The following SLC25A42 variants were observed in gnomAD, a reference collection of about 807,000 sequenced individuals.
SLC25A42 encodes mitochondrial coenzyme A transporter SLC25A42.
A neutral mutation model predicts 34.7 loss-of-function variants in SLC25A42; 19 were observed. The observed-to-expected ratio is 0.55, with a 90% CI of 0.38 to 0.80. SLC25A42 has a LOEUF of 0.80. SLC25A42 is among the 30% of genes least tolerant of loss of function. SLC25A42 has a pLI of 0.00. For synonymous variants in SLC25A42, 205 were observed against 191.2 expected (o/e 1.07, Z -0.59); for missense variants, 364 against 441.3 (o/e 0.82, Z 1.57).
At chr19:19,080,769 A>C (rs2059677453) in intron 1 of SLC25A42, among the ~76,000 whole-genome samples, 1 of 151,868 alleles carries the variant, frequency 6.6e-6, no homozygotes, top group Non-Finnish European at 1.5e-5. Context: ...AAAACACAAA[A>C]ATTAGCTGGG....
Position 19,110,919 on chromosome 19 carries a change from T to G in SLC25A42, c.*43T>G. The G allele has an allele frequency of 6.2e-7, 1 of 1,604,846 alleles. No homozygotes were observed. Among genetic ancestry groups the G allele is most frequent in the Non-Finnish European group, 8.5e-7 (1 of 1,173,982 alleles). ...TCAGGACGGTGGACCGGTGACCCCT[T>G]TGTATTCTGGGCCCATGGAACGGTG... On this transcript the variant is annotated 3_prime_UTR_variant, in exon 8 of 8. Transcript: ENST00000318596.
In SLC25A42 at chr19:19,101,771, T is replaced by C; in HGVS notation, c.82-10T>C. 1 of 1,608,652 alleles carries C rather than the reference T, an allele frequency of 6.2e-7. No individual in the cohort carries two copies. The highest frequency in any genetic ancestry group is 8.5e-7 in the Non-Finnish European group (1 of 1,177,694). ...TGCCCTCTGACCTCTGATCACATGT[T>C]CTGTTGCAGCGTGACCACAGGCAAG... On this transcript the variant is annotated splice_polypyrimidine_tract_variant and intron_variant, in intron 2 of 7. Transcript: ENST00000318596.
At position 19,110,709 on chromosome 19, in the gene SLC25A42, C is replaced by T; in HGVS notation, c.790C>T (p.Arg264Cys). 1 of 1,598,172 alleles carries T rather than the reference C, an allele frequency of 6.3e-7. No individual in the cohort carries two copies. ...GACGGCCGGCGTCACGGGCTACCCGCGCGCCTCCATCGCCCGCACGCTGCG... is the reference window on the plus strand; with the variant it reads ...GACGGCCGGCGTCACGGGCTACCCGTGCGCCTCCATCGCCCGCACGCTGCG... The part of the protein sequence containing the change: ...MQTAGVTGYP[R>C]ASIARTLRTI... The change falls in exon 8 of 8, where the codon CGC (arginine) becomes TGC (cysteine). Residue 264 changes from arginine (R) to cysteine (C), a missense_variant. By Grantham distance (180) the Arg-to-Cys change is radical. Transcript: ENST00000318596.
Position 19,106,381 on chromosome 19 carries a change from G to A in SLC25A42, c.493G>A (p.Glu165Lys). ...AGCGCGGATGGCCGTAACCCCGAAG[G>A]AAATGTGAGTCCTTACATCGGTGAT... ...VRARMAVTPK[E>K]MYSNIFHVFI... The change falls in exon 6 of 8, where the codon GAA (glutamate) becomes AAA (lysine). Residue 165 changes from glutamate to lysine, a missense_variant. Glu to Lys is a moderately conservative substitution (Grantham distance 56, BLOSUM62 1). Transcript: ENST00000318596. 4 of 1,610,764 alleles carry A rather than the reference G, an allele frequency of 2.5e-6. No individual in the cohort carries two copies. Among genetic ancestry groups the A allele is most frequent in the Non-Finnish European group, 3.4e-6 (4 of 1,177,838 alleles).
intron 1 of SLC25A42, 49 bp downstream of exon 1, chr19:19,064,164 C>CG (rs2059588658): frequency 6.6e-6 from 1 of 152,480 alleles, no homozygotes; most frequent in African/African-American, 2.4e-5. Context: ...GCGGATGAGG[C>CG]GGGGCATGAC....
At chr19:19,079,190 G>A (rs1296479387) in intron 1 of SLC25A42, among the ~76,000 whole-genome samples, 5 of 151,884 alleles carry the variant, frequency 3.3e-5, no homozygotes, top group Non-Finnish European at 5.9e-5. Context: ...TGAGTAGCTG[G>A]GATTACAGGT....
intron 1 of SLC25A42, among the ~76,000 whole-genome samples, chr19:19,085,044 G>A (rs2059700248): frequency 6.6e-6 from 1 of 152,132 alleles, no homozygotes; most frequent in Admixed American, 6.6e-5. Context: ...CCATGGAGAA[G>A]GACCCGGTTG....
chr19:19,065,422 G>A (rs1292486269), intron 1 of SLC25A42, among the ~76,000 whole-genome samples: 1 of 152,210 alleles, frequency 6.6e-6, no homozygotes, highest in Non-Finnish European at 1.5e-5. Context: ...AGCCTGGGTG[G>A]TGCTAGGAAT....
chr19:19,092,693 TG>T (rs2059744236), intron 1 of SLC25A42, among the ~76,000 whole-genome samples: 1 of 152,132 alleles, frequency 6.6e-6, no homozygotes, highest in Admixed American at 6.5e-5. Context: ...CACCCACTGT[TG>T]GGGTATAGCA....
At chr19:19,071,565 G>A (rs1210956233) in intron 1 of SLC25A42, among the ~76,000 whole-genome samples, 1 of 152,144 alleles carries the variant, frequency 6.6e-6, no homozygotes, top group African/African-American at 2.4e-5. Flanking sequence ...AGAGCCAAGG[G>A]CTAGCAGAAA....
intron 1 of SLC25A42, among the ~76,000 whole-genome samples, chr19:19,086,870 CT>C (rs1210229180): frequency 1.3e-5 from 2 of 152,036 alleles, no homozygotes; most frequent in East Asian, 3.9e-4. Context: ...ATGTGATGTT[CT>C]GATATATTTA....
Position 19,110,807 on chromosome 19 carries a change from C to T in SLC25A42, c.888C>T (p.Pro296=), listed in dbSNP as rs1345930312. ...TGAGCATGAACTGGGTCAAGGGTCC[C>T]ATCGCCGTGGGCATCAGCTTCACCA... ...KGLSMNWVKG[P]IAVGISFTTF... The change falls in exon 8 of 8, where the codon CCC becomes CCT. Residue 296 remains proline (P), a synonymous_variant. Transcript: ENST00000318596. 1 of 1,613,930 alleles carries T rather than the reference C, an allele frequency of 6.2e-7. No individual in the cohort carries two copies. Among genetic ancestry groups the T allele is most frequent in the East Asian group, 2.2e-5 (1 of 44,872 alleles).
chr19:19,100,702 T>A (rs2059791816), intron 2 of SLC25A42, among the ~76,000 whole-genome samples: 1 of 152,148 alleles, frequency 6.6e-6, no homozygotes, highest in Non-Finnish European at 1.5e-5. Context: ...CATCTGATGC[T>A]TCTGTTGGCA....
chr19:19,076,559 T>C (rs1014637535), intron 1 of SLC25A42, among the ~76,000 whole-genome samples: 1 of 152,180 alleles, frequency 6.6e-6, no homozygotes, highest in African/African-American at 2.4e-5. Flanking sequence ...AGGCCATCCA[T>C]TCAAGTCCCC....
intron 1 of SLC25A42, among the ~76,000 whole-genome samples, chr19:19,085,827 G>A (rs1036956826): frequency 3.3e-5 from 5 of 150,826 alleles, no homozygotes; most frequent in African/African-American, 9.7e-5. Context: ...AGGAGAGGAG[G>A]CAAGAGGAGA....
At chr19:19,099,094 G>T (rs963390764) in intron 2 of SLC25A42, among the ~76,000 whole-genome samples, 3 of 152,152 alleles carry the variant, frequency 2.0e-5, no homozygotes, top group African/African-American at 7.2e-5. Flanking sequence ...GAAGAAACTG[G>T]CCTGAAGCTG....
At chr19:19,078,322 G>A (rs1007909916) in intron 1 of SLC25A42, among the ~76,000 whole-genome samples, 7 of 152,156 alleles carry the variant, frequency 4.6e-5, no homozygotes, top group African/African-American at 1.4e-4. Context: ...ATGAAGGTGC[G>A]TATGCCTGAC....
chr19:19,077,922 G>GC (rs1030797552), intron 1 of SLC25A42, among the ~76,000 whole-genome samples: 22 of 152,308 alleles, frequency 1.4e-4, no homozygotes, highest in African/African-American at 5.1e-4. Flanking sequence ...AACCTTTTGT[G>GC]CCTGGCTTCT....
intron 1 of SLC25A42, among the ~76,000 whole-genome samples, chr19:19,066,104 G>A (rs952524916): frequency 3.3e-5 from 5 of 152,200 alleles, no homozygotes; most frequent in South Asian, 4.2e-4. Flanking sequence ...TGATCTGCTC[G>A]CCTCAGCCTC....
Sources: allele counts gnomAD v4.1 joint callset (sites outside exome capture counted in the v4.1 genomes callset), GRCh38; gene constraint gnomAD v4.1.1; transcripts MANE v1.5; gene names NCBI Gene and HGNC (gene_info 2026-07-23, HGNC 2026-07-21).